DCX: variants seen among roughly 807,000 people sequenced by gnomAD.
DCX encodes the protein doublecortin.
DCX carries 4 observed loss-of-function variants against 20.9 expected under a neutral mutation model. That is an observed-to-expected ratio of 0.19 (90% CI 0.09 to 0.44). The LOEUF is 0.44. Ranked by LOEUF, DCX falls within the 20% of genes least tolerant of loss-of-function variation. DCX has a pLI of 0.99. For missense variants in DCX, 133 were observed against 296.9 expected (o/e 0.45, Z 4.06); for synonymous variants, 103 against 111.4 (o/e 0.92, Z 0.47).
At chrX:111,367,632 G>A (rs1924729429) in intron 3 of DCX, among the ~76,000 whole-genome samples, 2 of 111,691 alleles carry the variant, frequency 1.8e-5, no homozygotes, top group East Asian at 2.8e-4. Context: ...CTGGGTTTCT[G>A]CAGCAATAGT....
intron 3 of DCX, among the ~76,000 whole-genome samples, chrX:111,363,825 C>A (rs769907137): frequency 9.8e-5 from 11 of 111,842 alleles, no homozygotes; most frequent in Admixed American, 1.9e-4. Flanking sequence ...TTGGTGCTCT[C>A]ATTGGCTAGA....
chrX:111,372,913 A>T (rs1925217232), intron 3 of DCX, among the ~76,000 whole-genome samples: 1 of 111,377 alleles, frequency 9.0e-6, no homozygotes, highest in African/African-American at 3.3e-5. Flanking sequence ...TGCCAGGGTT[A>T]TTTTAATCAT....
rs745609369 is a variant in DCX, at chrX:111,300,937, A to G, written c.*750T>C. ...AGGTATATGAAGTCCCTTACTCCAA[A>G]CTATTATCAATTGCTTATTGATTCC... is the stretch of plus-strand genomic sequence containing the variant. On this transcript the variant is annotated 3_prime_UTR_variant, in exon 7 of 7. Coordinates refer to ENST00000636035, the MANE Select transcript of DCX (RefSeq NM_001195553.2). 1 of 112,936 alleles carries G rather than the reference A, an allele frequency of 8.9e-6. No individual in the cohort carries two copies. Among genetic ancestry groups the G allele is most frequent in the Non-Finnish European group, 1.9e-5 (1 of 53,803 alleles). The allele number at this position is 112,936 out of a possible 1,213,427, so 9.3% of individuals were successfully genotyped here.
chrX:111,410,307 T>C lies in DCX; in HGVS notation c.92A>G (p.His31Arg). Residue 31 changes from histidine to arginine, a missense_variant, in exon 2 of 7, where the codon CAC becomes CGC. Coordinates refer to ENST00000636035, the MANE Select transcript of DCX (RefSeq NM_001195553.2). Reference protein sequence around the residue: ...SRMNGLPSPTHSAHCSFYRTR... With the variant: ...SRMNGLPSPTRSAHCSFYRTR... ...TCGGTAGAAGCTACAGTGGGCGCTG[T>C]GAGTGGGGCTAGGCAACCCATTCAT... 8.3e-7 allele frequency: 1 copy of C among 1,211,468 alleles called. No individual in the cohort carries two copies. The highest frequency in any genetic ancestry group is 1.1e-6 in the Non-Finnish European group (1 of 895,481).
chrX:111,380,253 G>T, intron 3 of DCX, among the ~76,000 whole-genome samples: 1 of 110,963 alleles, frequency 9.0e-6, no homozygotes, highest in South Asian at 3.8e-4. Flanking sequence ...AGAAACCATT[G>T]CCTAATCTAA....
intron 5 of DCX, among the ~76,000 whole-genome samples, chrX:111,322,282 C>T (rs550272347): frequency 2.0e-4 from 22 of 111,240 alleles, no homozygotes; most frequent in Middle Eastern, 4.6e-3. Flanking sequence ...AAACTCTGCC[C>T]CTTCTCACTG....
rs999128038 is a variant in DCX at position 111,299,338 on chromosome X, T to C, written c.*2349A>G. On this transcript the variant is annotated 3_prime_UTR_variant, in exon 7 of 7. Coordinates refer to ENST00000636035, the MANE Select transcript of DCX (RefSeq NM_001195553.2). The stretch of plus-strand genomic sequence containing the variant: ...GGTTCAAAGGTTATCCTAAAGAAAA[T>C]ATATCCATTTGGTATTTTCTAGTAG... The C allele has an allele frequency of 3.6e-5, 4 of 111,394 alleles. No individual in the cohort carries two copies. Among genetic ancestry groups the C allele is most frequent in the African/African-American group, 1.3e-4 (4 of 30,592 alleles). The allele number at this position is 111,394 out of a possible 1,213,427, so 9.2% of individuals were successfully genotyped here. A position where few individuals can be genotyped will look rare whatever the true frequency, so the allele number is the denominator to read the frequency against.
intron 6 of DCX, among the ~76,000 whole-genome samples, chrX:111,311,824 C>T (rs960068532): frequency 2.7e-5 from 3 of 112,207 alleles, no homozygotes; most frequent in Non-Finnish European, 5.6e-5. Context: ...ATATTGGTGG[C>T]TTTTTGCCTT....
At chrX:111,411,286 T>C (rs1276911899) in intron 1 of DCX, 3 of 253,186 alleles carry the variant, frequency 1.2e-5, no homozygotes, top group Non-Finnish European at 2.0e-5. Context: ...GCAACACCTC[T>C]TAATGGAATA....
At chrX:111,329,996 T>C (rs1311943446) in intron 5 of DCX, among the ~76,000 whole-genome samples, 1 of 112,379 alleles carries the variant, frequency 8.9e-6, no homozygotes, top group Non-Finnish European at 1.9e-5. Context: ...TCTAAGCTTC[T>C]GAACTTGGAC....
intron 5 of DCX, among the ~76,000 whole-genome samples, chrX:111,319,105 C>A (rs1161028002): frequency 1.8e-5 from 2 of 111,849 alleles, no homozygotes; most frequent in Non-Finnish European, 3.8e-5. Context: ...AAGGGTCAGC[C>A]CCTGGGGGCC....
intron 4 of DCX, among the ~76,000 whole-genome samples, chrX:111,331,488 A>C (rs769217730): frequency 8.9e-5 from 10 of 112,229 alleles, no homozygotes; most frequent in Middle Eastern, 4.6e-3. Flanking sequence ...TTACTATTAC[A>C]TGCCACACGT....
chrX:111,300,018 C>T lies in DCX; in HGVS notation c.*1669G>A, dbSNP rs1035791317. 1.8e-5 allele frequency: 2 copies of T among 110,941 alleles called. No homozygotes were observed. Among genetic ancestry groups the T allele is most frequent in the African/African-American group, 6.6e-5 (2 of 30,433 alleles). The allele number at this position is 110,941 out of a possible 1,213,427, so 9.1% of individuals were successfully genotyped here. On this transcript the variant is annotated 3_prime_UTR_variant, in exon 7 of 7. Transcript: ENST00000636035. ...ACACACACACACACATGCACCACCCCCTCCCACCACCACCACACACACACA... is the reference window on the plus strand; with the variant it reads ...ACACACACACACACATGCACCACCCTCTCCCACCACCACCACACACACACA...
At chrX:111,383,664 T>G (rs138431170) in intron 3 of DCX, among the ~76,000 whole-genome samples, 57 of 111,787 alleles carry the variant, frequency 5.1e-4, no homozygotes, top group African/African-American at 1.8e-3. Flanking sequence ...CAAGGTCCCT[T>G]AATCTGTTCT....
intron 2 of DCX, among the ~76,000 whole-genome samples, chrX:111,408,691 A>AAAGAAAGAAAGAAAGG (rs1268843561): frequency 2.9e-5 from 3 of 103,257 alleles, no homozygotes; most frequent in Non-Finnish European, 6.0e-5. Flanking sequence ...AGAAAGAAAG[A>AAAGAAAGAAAGAAAGG]AAGGAAGGAA....
chrX:111,313,900 A>G (rs2095063286), intron 5 of DCX, among the ~76,000 whole-genome samples: 1 of 87,323 alleles, frequency 1.1e-5, no homozygotes, highest in African/African-American at 4.3e-5. Context: ...AGAGAGGGGG[A>G]GGGAGAAAGA....
At chrX:111,383,481 G>A (rs777184769) in intron 3 of DCX, among the ~76,000 whole-genome samples, 4 of 111,590 alleles carry the variant, frequency 3.6e-5, no homozygotes, top group African/African-American at 9.7e-5. Context: ...TTGACAGAGC[G>A]GATGCTTTGC....
Position 111,301,676 on chromosome X carries a change from T to G in DCX, c.*11A>C, listed in dbSNP as rs2095034352. On this transcript the variant is annotated 3_prime_UTR_variant, in exon 7 of 7. Coordinates refer to ENST00000636035, the MANE Select transcript of DCX (RefSeq NM_001195553.2). Reference sequence around the variant, plus strand: ...GATTTGTACTCTGGACTCTGAGCACTCTCCCCTCCTTTACATGGAATCACC... The same window carrying G: ...GATTTGTACTCTGGACTCTGAGCACGCTCCCCTCCTTTACATGGAATCACC... 8.3e-7 allele frequency: 1 copy of G among 1,208,535 alleles called. No homozygotes were observed. The highest frequency in any genetic ancestry group is 1.8e-5 in the African/African-American group (1 of 57,105).
At chrX:111,355,549 T>A (rs191978061) in intron 3 of DCX, among the ~76,000 whole-genome samples, 54 of 111,882 alleles carry the variant, frequency 4.8e-4, no homozygotes, top group Admixed American at 2.9e-3. Context: ...GTTTTGCTTA[T>A]CATCTCTGTC....
Sources: allele counts gnomAD v4.1 joint callset (sites outside exome capture counted in the v4.1 genomes callset), GRCh38; gene constraint gnomAD v4.1.1; transcripts MANE v1.5; gene names NCBI Gene and HGNC (gene_info 2026-07-23, HGNC 2026-07-21).